Variants in DNAH8 observed in about 807,000 individuals in gnomAD.
The protein encoded by DNAH8 is dynein axonemal heavy chain 8.
A neutral mutation model predicts 562.1 loss-of-function variants in DNAH8; 382 were observed. The observed-to-expected ratio is 0.68, with a 90% CI of 0.63 to 0.74. DNAH8 has a LOEUF of 0.74. Among genes scored for constraint, DNAH8 ranks in the 30% least tolerant of loss-of-function variants. The pLI is 0.00. For synonymous variants in DNAH8, 1,881 were observed against 1,919.4 expected (o/e 0.98, Z 0.52); for missense variants, 5,203 against 5,620.4 (o/e 0.93, Z 2.37).
intron 62 of DNAH8, among the ~76,000 whole-genome samples, chr6:38,903,159 A>C (rs1168356721): frequency 6.6e-6 from 1 of 152,108 alleles, no homozygotes; most frequent in African/African-American, 2.4e-5. Context: ...GCTGTTCTGT[A>C]TTAGTCAGTT....
At chr6:38,724,709 CCTCGCGATAG>C (rs760611289) in intron 3 of DNAH8, among the ~76,000 whole-genome samples, 13 of 152,248 alleles carry the variant, frequency 8.5e-5, no homozygotes, top group Non-Finnish European at 1.5e-4. Flanking sequence ...TCATAGCTTC[CCTCGCGATAG>C]CTCTGGTTCT....
chr6:38,854,288 A>G (rs1776008003), intron 41 of DNAH8, among the ~76,000 whole-genome samples: 1 of 152,170 alleles, frequency 6.6e-6, no homozygotes, highest in African/African-American at 2.4e-5. Flanking sequence ...ACTTTCATTC[A>G]AGAGAAATGA....
intron 3 of DNAH8, among the ~76,000 whole-genome samples, chr6:38,726,570 A>G (rs1215157839): frequency 6.6e-6 from 1 of 152,248 alleles, no homozygotes; most frequent in African/African-American, 2.4e-5. Context: ...AAATGTAGGC[A>G]TTAAGGAAGA....
Position 38,803,316 on chromosome 6 carries a change from C to T in DNAH8, c.3034+5C>T, listed in dbSNP as rs780137636. 6.3e-7 allele frequency: 1 copy of T among 1,598,314 alleles called. No homozygotes were observed. The highest frequency in any genetic ancestry group is 1.1e-5 in the South Asian group (1 of 87,480). On this transcript the variant is annotated splice_donor_5th_base_variant and intron_variant, in intron 22 of 92. Coordinates refer to ENST00000327475, the MANE Select transcript of DNAH8 (RefSeq NM_001206927.2). ...GGAAAGTAGGAAAACAGTCAGGTAACTTTTCTCGTTACTGTGTTTGAATTA... is the reference window on the plus strand; with the variant it reads ...GGAAAGTAGGAAAACAGTCAGGTAATTTTTCTCGTTACTGTGTTTGAATTA...
chr6:38,993,596 C>G (rs962118782), intron 88 of DNAH8, among the ~76,000 whole-genome samples: 6 of 152,136 alleles, frequency 3.9e-5, no homozygotes, highest in Admixed American at 6.5e-5. Context: ...TCTGGTTTAT[C>G]TTCTCTGTGT....
chr6:38,997,832 A>G (rs1035561002), intron 88 of DNAH8, among the ~76,000 whole-genome samples: 1 of 152,170 alleles, frequency 6.6e-6, no homozygotes. Context: ...ATCTCAGCTC[A>G]CTGCAACCTC....
chr6:38,747,388 T>C (rs1309467316), intron 8 of DNAH8, among the ~76,000 whole-genome samples: 3 of 139,614 alleles, frequency 2.1e-5, no homozygotes, highest in East Asian at 3.9e-4. Flanking sequence ...CTTTTTCTTT[T>C]TTTTTTTTTT....
Position 39,026,668 on chromosome 6 carries a change from G to A in DNAH8, c.13836+1G>A. The A allele has an allele frequency of 6.2e-7, 1 of 1,613,056 alleles. No homozygotes were observed. The highest frequency in any genetic ancestry group is 1.1e-5 in the South Asian group (1 of 91,000). On this transcript the variant is annotated splice_donor_variant, in intron 92 of 92. Transcript: ENST00000327475. LOFTEE classifies it high-confidence loss of function. Reference sequence around the variant, plus strand: ...GGAGGAGATCACGTCACCCCCTGGGGTAGGCGTTGCTGGGCAATAGCAGGG... The same window carrying A: ...GGAGGAGATCACGTCACCCCCTGGGATAGGCGTTGCTGGGCAATAGCAGGG...
chr6:38,945,434 A>G, intron 79 of DNAH8, 33 bp from the exon 80 acceptor site: 10 of 1,612,968 alleles, frequency 6.2e-6, no homozygotes, highest in African/African-American at 1.3e-5. Context: ...GTACAGGCTT[A>G]CCCAATTCAC....
At chr6:38,757,698 A>G (rs551744867) in intron 10 of DNAH8, among the ~76,000 whole-genome samples, 1,875 of 152,286 alleles carry the variant, frequency 0.012, 15 homozygotes, top group South Asian at 0.026. Flanking sequence ...TAATTTTTGT[A>G]TAAGGTGTAA....
At chr6:38,758,597 G>A (rs1302447763) in intron 10 of DNAH8, among the ~76,000 whole-genome samples, 1 of 151,646 alleles carries the variant, frequency 6.6e-6, no homozygotes, top group African/African-American at 2.4e-5. Flanking sequence ...GGGCATCCCT[G>A]TCTTGTGCCA....
intron 80 of DNAH8, among the ~76,000 whole-genome samples, chr6:38,946,048 GT>G (rs963167464): frequency 2.6e-5 from 4 of 151,800 alleles, no homozygotes; most frequent in South Asian, 2.1e-4. Flanking sequence ...TTTGCTTGTT[GT>G]TTTTTTCTTA....
chr6:39,027,633 G>T (rs1767383708), intron 92 of DNAH8, among the ~76,000 whole-genome samples: 1 of 152,144 alleles, frequency 6.6e-6, no homozygotes, highest in African/African-American at 2.4e-5. Context: ...TGTGAGACCA[G>T]CCTGGCCAAT....
chr6:38,795,677 A>G (rs1013822981), intron 21 of DNAH8, among the ~76,000 whole-genome samples: 5 of 152,124 alleles, frequency 3.3e-5, no homozygotes, highest in Admixed American at 3.3e-4. Context: ...CCCTGGAGTG[A>G]TCTAAGATCT....
intron 73 of DNAH8, among the ~76,000 whole-genome samples, chr6:38,924,501 TC>T (rs5875645): frequency 0.016 from 2,384 of 149,288 alleles, 172 homozygotes; most frequent in Admixed American, 0.13. Context: ...AGAAACTCCA[TC>T]CCCCCCCCAA....
At chr6:38,776,415 G>A (rs900216032) in intron 13 of DNAH8, among the ~76,000 whole-genome samples, 9 of 151,974 alleles carry the variant, frequency 5.9e-5, no homozygotes, top group African/African-American at 1.7e-4. Context: ...ACAGGGTTTC[G>A]CCATGTTGGC....
intron 25 of DNAH8, among the ~76,000 whole-genome samples, chr6:38,815,230 A>G (rs1772136328): frequency 6.6e-6 from 1 of 152,222 alleles, no homozygotes; most frequent in Admixed American, 6.5e-5. Flanking sequence ...TGTTATTAAA[A>G]AGTTACGTCC....
At chr6:38,763,121 G>T in intron 11 of DNAH8, 1 of 333,652 alleles carries the variant, frequency 3.0e-6, no homozygotes, top group Admixed American at 4.1e-5. Context: ...TACTTCACTT[G>T]CATCACTGAA....
At chr6:38,987,825 G>T (rs1764502997) in intron 87 of DNAH8, among the ~76,000 whole-genome samples, 1 of 152,152 alleles carries the variant, frequency 6.6e-6, no homozygotes, top group Non-Finnish European at 1.5e-5. Context: ...GCTTGGACCT[G>T]TTTCAGATGG....
Sources: gnomAD v4.1 joint callset for allele counts (sites outside exome capture counted in the v4.1 genomes callset) on GRCh38, gnomAD v4.1.1 for gene constraint, MANE v1.5 for transcripts, NCBI Gene and HGNC (gene_info 2026-07-23, HGNC 2026-07-21) for gene names.